ATP11C: variants seen among roughly 807,000 people sequenced by gnomAD.
ATP11C encodes the protein ATPase phospholipid transporting 11C (ATP11C blood group), also known as phospholipid-transporting ATPase IG.
In ATP11C, 36 loss-of-function variants were observed where a neutral mutation model predicts 97.4. The ratio of observed to expected loss-of-function variants is 0.37; its 90% confidence interval spans 0.28 to 0.49. ATP11C has a LOEUF of 0.49. Ranked by LOEUF, ATP11C falls within the 20% of genes least tolerant of loss-of-function variation. The pLI, the probability that ATP11C is intolerant of heterozygous loss-of-function variation, is 0.98. For missense variants in ATP11C, 730 were observed against 824.6 expected, an observed-to-expected ratio of 0.89 and a Z score of 1.40; for synonymous variants, 275 against 290.9, an observed-to-expected ratio of 0.95 and a Z score of 0.56.
chrX:139,763,918 T>A (rs767980200), intron 20 of ATP11C, among the ~76,000 whole-genome samples: 5 of 111,868 alleles, frequency 4.5e-5, no homozygotes, highest in Non-Finnish European at 9.4e-5. Context: ...ATATGAACTA[T>A]CAAAAACTTT....
At chrX:139,826,601 C>T (rs1450144259) in intron 2 of ATP11C, 103 bp downstream of exon 2, 2 of 660,777 alleles carry the variant, frequency 3.0e-6, no homozygotes, top group Non-Finnish European at 4.6e-6. Flanking sequence ...CATGCAAATA[C>T]ATGTACACAT....
chrX:139,878,595 A>G (rs192234424), intron 1 of ATP11C, among the ~76,000 whole-genome samples: 113 of 111,918 alleles, frequency 1.0e-3, no homozygotes, highest in Non-Finnish European at 1.8e-3. Flanking sequence ...CCAAAGACTG[A>G]AAAATGCTAA....
intron 20 of ATP11C, among the ~76,000 whole-genome samples, chrX:139,766,647 A>G (rs1328644565): frequency 8.9e-6 from 1 of 111,806 alleles, no homozygotes; most frequent in Non-Finnish European, 1.9e-5. Flanking sequence ...ATATAAAAGA[A>G]AAGCCACAGA....
chrX:139,875,122 T>C (rs1323570682), intron 1 of ATP11C, among the ~76,000 whole-genome samples: 1 of 111,202 alleles, frequency 9.0e-6, no homozygotes, highest in Non-Finnish European at 1.9e-5. Flanking sequence ...CAGAATAAAA[T>C]TGCACAAATT....
At position 139,782,741 on chromosome X, in the gene ATP11C, TAGG is replaced by T. The variant is rs1339890362; in HGVS notation, c.1771-16_1771-14del. ...TCCGATACCCATCCTAGGAGTAAAG[TAGG>T]AGATCTGTAGTTATTCTAATAATAG... is the stretch of plus-strand genomic sequence containing the variant. On this transcript the variant is annotated splice_polypyrimidine_tract_variant and intron_variant, in intron 17 of 29. Coordinates refer to ENST00000682941, the MANE Select transcript of ATP11C (RefSeq NM_001353812.2). 2.9e-5 allele frequency: 32 copies of T among 1,115,176 alleles called. No homozygotes were observed. The Middle Eastern group carries it at 2.2e-3, about 76-fold the overall frequency. The allele number at this position is 1,115,176 out of a possible 1,213,427, so 91.9% of individuals were successfully genotyped here. A position where few individuals can be genotyped will look rare whatever the true frequency, so the allele number is the denominator to read the frequency against.
rs754325600 is a variant in ATP11C, at chrX:139,826,801, ACTCGTTTCT to A, written c.41_49del (p.Glu14_Arg16del). ...GCCAACAAACACTGTGCGTGTGCCA[ACTCGTTTCT>A]CTTCTCCAGCACACTGACCAAGAGA... On this transcript the variant is annotated inframe_deletion, in exon 2 of 30. Transcript: ENST00000682941. 199 of 1,205,921 alleles carry A rather than the reference ACTCGTTTCT, an allele frequency of 1.7e-4. No homozygotes were observed. Among genetic ancestry groups the A allele is most frequent in the Non-Finnish European group, 2.1e-4 (189 of 892,871 alleles).
At chrX:139,755,301 A>C (rs1407206725) in intron 23 of ATP11C, among the ~76,000 whole-genome samples, 1 of 111,887 alleles carries the variant, frequency 8.9e-6, no homozygotes, top group African/African-American at 3.2e-5. Context: ...CTTTACAATG[A>C]AAATTGCAAA....
chrX:139,779,729 AT>A (rs906438911), intron 18 of ATP11C, among the ~76,000 whole-genome samples: 1 of 111,911 alleles, frequency 8.9e-6, no homozygotes, highest in African/African-American at 3.2e-5. Flanking sequence ...AGTAACAAAG[AT>A]TGTAGCAGAA....
Position 139,932,092 on chromosome X carries a change from G to T in ATP11C, c.-50C>A, listed in dbSNP as rs2085446363. On this transcript the variant is annotated 5_prime_UTR_variant, in exon 1 of 30. Transcript: ENST00000682941. ...AGCTGGGCTCTACCGGGCTGTCTGG[G>T]AAGGCGCCGTCCACAAAACACACTG... 1.8e-6 allele frequency: 2 copies of T among 1,109,992 alleles called. No individual in the cohort carries two copies. Among genetic ancestry groups the T allele is most frequent in the South Asian group, 4.4e-5 (2 of 45,519 alleles). 91.5% of individuals were successfully genotyped at this position (1,109,992 alleles called of 1,213,427 possible).
Position 139,895,382 on chromosome X carries a change from T to C in ATP11C, c.27+36634A>G, listed in dbSNP as rs1454552194. On this transcript the variant is annotated intron_variant, in intron 1 of 29. Transcript: ENST00000682941. ...ACCTTTTGGGTTCAAGCGATTCTCC[T>C]GTCTTAGCCTCCTGAGTAGCTGGGA... Among the ~76,000 whole-genome samples, 3 of 111,539 alleles carry C rather than the reference T, an allele frequency of 2.7e-5. No homozygotes were observed. The Admixed American group carries it at 2.9e-4, about 11-fold the overall frequency.
chrX:139,813,974 G>T (rs950851121), intron 5 of ATP11C, among the ~76,000 whole-genome samples: 3 of 111,419 alleles, frequency 2.7e-5, no homozygotes, highest in Non-Finnish European at 3.8e-5. Context: ...TTCACTGATT[G>T]TAACAAATGT....
At chrX:139,887,564 A>T (rs192907084) in intron 1 of ATP11C, among the ~76,000 whole-genome samples, 1 of 111,273 alleles carries the variant, frequency 9.0e-6, no homozygotes, top group African/African-American at 3.3e-5. Context: ...GGAGGCCAGC[A>T]GTGAGCCATG....
chrX:139,927,914 G>A (rs908311601), intron 1 of ATP11C, among the ~76,000 whole-genome samples: 19 of 111,253 alleles, frequency 1.7e-4, no homozygotes, highest in Non-Finnish European at 3.2e-4. Context: ...GTAAGTAAAG[G>A]TTATTATTTA....
At chrX:139,783,818 A>G (rs772626642) in intron 16 of ATP11C, among the ~76,000 whole-genome samples, 16 of 109,910 alleles carry the variant, frequency 1.5e-4, no homozygotes, top group African/African-American at 4.3e-4. Context: ...GGCTGCAGTG[A>G]GCTATAATCT....
intron 1 of ATP11C, among the ~76,000 whole-genome samples, chrX:139,833,973 T>C (rs2083705831): frequency 8.9e-6 from 1 of 111,767 alleles, no homozygotes; most frequent in Non-Finnish European, 1.9e-5. Flanking sequence ...GGTTTGCAGA[T>C]GTTAACAAAC....
At chrX:139,917,753 C>A (rs1202098977) in intron 1 of ATP11C, among the ~76,000 whole-genome samples, 1 of 110,483 alleles carries the variant, frequency 9.1e-6, no homozygotes, top group Non-Finnish European at 1.9e-5. Context: ...GTCAGGAGTT[C>A]GAGACCAGCC....
At position 139,770,913 on chromosome X, in the gene ATP11C, C is replaced by T. The variant is rs773240956; in HGVS notation, c.2217-2479G>A. 1.4e-4 allele frequency among the ~76,000 whole-genome samples: 16 copies of T among 111,925 alleles called. No homozygotes were observed. In the South Asian group the frequency reaches 6.0e-3, roughly 42 times the overall value. On this transcript the variant is annotated intron_variant, in intron 19 of 29. Coordinates refer to ENST00000682941, the MANE Select transcript of ATP11C (RefSeq NM_001353812.2). ...CCAATGTGATTGTATTTGAAGATAGCACCTTTAGAGGGTGAGGCCCTCATG... is the reference window on the plus strand; with the variant it reads ...CCAATGTGATTGTATTTGAAGATAGTACCTTTAGAGGGTGAGGCCCTCATG...
rs2081278212 is a variant in ATP11C, at chrX:139,727,969, A to G, written c.*997T>C. On this transcript the variant is annotated 3_prime_UTR_variant, in exon 30 of 30. Transcript: ENST00000682941. ...CTTTCCAAATTGGCCAAGTTTAAGA[A>G]AAAGCACTGCATATATGCATAAATG... 8.9e-6 allele frequency: 1 copy of G among 112,649 alleles called. No individual in the cohort carries two copies. The highest frequency in any genetic ancestry group is 9.4e-5 in the Admixed American group (1 of 10,603). 9.3% of individuals were successfully genotyped at this position (112,649 alleles called of 1,213,427 possible). A position where few individuals can be genotyped will look rare whatever the true frequency, so the allele number is the denominator to read the frequency against.
At chrX:139,902,951 A>G (rs997197232) in intron 1 of ATP11C, among the ~76,000 whole-genome samples, 4 of 111,066 alleles carry the variant, frequency 3.6e-5, no homozygotes, top group African/African-American at 1.3e-4. Flanking sequence ...CCAACTCAAG[A>G]GTCTCAGAGC....
Sources: allele counts gnomAD v4.1 joint callset (sites outside exome capture counted in the v4.1 genomes callset), GRCh38; gene constraint gnomAD v4.1.1; transcripts MANE v1.5; gene names NCBI Gene and HGNC (gene_info 2026-07-23, HGNC 2026-07-21).